The following CMYA5 variants were observed in gnomAD, a reference collection of about 807,000 sequenced individuals.
The protein encoded by CMYA5 is cardiomyopathy associated 5.
CMYA5 carries 246 observed loss-of-function variants against 318.9 expected under a neutral mutation model. The observed-to-expected ratio is 0.77, with a 90% confidence interval of 0.70 to 0.86. The LOEUF (loss-of-function observed/expected upper bound fraction) is 0.86. CMYA5 is among the 40% of genes least tolerant of loss of function. The pLI is 0.00. For missense variants in CMYA5, 4,589 were observed against 4,678.2 expected (o/e 0.98, Z 0.56); for synonymous variants, 1,641 against 1,729.5 (o/e 0.95, Z 1.27).
At chr5:79,758,945 G>T in intron 7 of CMYA5, 43 bp downstream of exon 7, 3 of 1,451,524 alleles carry the variant, frequency 2.1e-6, no homozygotes, top group Non-Finnish European at 2.8e-6. Context: ...GCATATTCAT[G>T]CATCTTCATG....
At chr5:79,789,690 T>G (rs4704590) in intron 10 of CMYA5, among the ~76,000 whole-genome samples, 94,737 of 151,890 alleles carry the variant, frequency 0.62, 29,793 homozygotes, top group African/African-American at 0.69. Context: ...CTCCCAAAGT[T>G]CTGGGATTAC....
chr5:79,759,830 G>T (rs959514058), intron 7 of CMYA5, among the ~76,000 whole-genome samples: 2 of 152,108 alleles, frequency 1.3e-5, no homozygotes, highest in African/African-American at 4.8e-5. Context: ...TTAGAAAAAA[G>T]TTTAAAAAAG....
intron 9 of CMYA5, among the ~76,000 whole-genome samples, chr5:79,778,840 T>TG (rs1453105123): frequency 8.2e-5 from 10 of 122,056 alleles, no homozygotes; most frequent in African/African-American, 2.5e-4. Flanking sequence ...TGTGTGTATG[T>TG]TTATTCACTC....
chr5:79,751,265 A>G (rs1191387203), intron 5 of CMYA5, among the ~76,000 whole-genome samples: 3 of 152,136 alleles, frequency 2.0e-5, no homozygotes, highest in African/African-American at 7.2e-5. Context: ...TTTCTATTTC[A>G]TCCCTGACTG....
At position 79,799,416 on chromosome 5, in the gene CMYA5, G is replaced by C. The variant is rs1351414595; in HGVS notation, c.12010G>C (p.Glu4004Gln). Residue 4004 changes from glutamate (E) to glutamine (Q), a missense_variant, in exon 13 of 13, where the codon GAG becomes CAG. Physicochemically the swap from Glu to Gln is conservative, Grantham distance 29 (BLOSUM62 2). Transcript: ENST00000446378. ...TATTGTGAGTGATGTTCATGTGACT[G>C]AGCGTCCAGCCAGAGTGGGCATCCT... ...SGIVSDVHVT[E>Q]RPARVGILLD... is the part of the protein sequence containing the mutation. The C allele has an allele frequency of 6.2e-7, 1 of 1,613,612 alleles. No individual in the cohort carries two copies. The highest frequency in any genetic ancestry group is 8.5e-7 in the Non-Finnish European group (1 of 1,179,594).
chr5:79,733,447 G>T lies in CMYA5; in HGVS notation c.4682G>T (p.Gly1561Val). Reference sequence around the variant, plus strand: ...GCATCCAAACATATAATCCCAAAAGGCAAAGATGAGGAAACAGCAAGTTCA... The same window carrying T: ...GCATCCAAACATATAATCCCAAAAGTCAAAGATGAGGAAACAGCAAGTTCA... ...SPASKHIIPKGKDEETASSSP... is the reference protein window; with the variant it reads ...SPASKHIIPKVKDEETASSSP... The change falls in exon 2 of 13, where the codon GGC becomes GTC. Residue 1561 changes from glycine (G) to valine (V), a missense_variant. Gly to Val is a moderately radical substitution (Grantham distance 109). This residue lies in a region of CMYA5 where 2,132 missense variants were observed against 2,131.3 expected (regional missense o/e 1.00). Transcript: ENST00000446378. 6.2e-7 allele frequency: 1 copy of T among 1,613,830 alleles called. No homozygotes were observed. The highest frequency in any genetic ancestry group is 2.2e-5 in the East Asian group (1 of 44,868).
At chr5:79,706,618 CA>C (rs1827278841) in intron 1 of CMYA5, among the ~76,000 whole-genome samples, 1 of 152,138 alleles carries the variant, frequency 6.6e-6, no homozygotes, top group Non-Finnish European at 1.5e-5. Flanking sequence ...AGGCTCTCCA[CA>C]AGGGTCTCAT....
At chr5:79,776,207 C>T (rs369595313) in intron 9 of CMYA5, among the ~76,000 whole-genome samples, 149 of 152,202 alleles carry the variant, frequency 9.8e-4, no homozygotes, top group African/African-American at 3.5e-3. Context: ...ATTCAGCCCC[C>T]ATGTTATTTT....
Position 79,733,844 on chromosome 5 carries a change from G to A in CMYA5, c.5079G>A (p.Thr1693=), listed in dbSNP as rs552350245. ...EENRELCASS[T]MPAISELSSL... is the part of the protein sequence containing the mutation. The stretch of plus-strand genomic sequence containing the variant: ...ATAGAGAGCTTTGTGCATCTTCTAC[G>A]ATGCCTGCAATTTCAGAGCTTTCAT... Residue 1693 remains threonine, a synonymous_variant, in exon 2 of 13, where the codon ACG becomes ACA. Transcript: ENST00000446378. 26 of 1,613,600 alleles carry A rather than the reference G, an allele frequency of 1.6e-5. No individual in the cohort carries two copies. The highest frequency in any genetic ancestry group is 5.0e-5 in the Admixed American group (3 of 59,962).
intron 1 of CMYA5, among the ~76,000 whole-genome samples, chr5:79,708,626 A>C (rs1330618100): frequency 6.6e-6 from 1 of 151,084 alleles, no homozygotes; most frequent in African/African-American, 2.4e-5. Context: ...CTCCATCTCA[A>C]AAAAAAAAGA....
intron 2 of CMYA5, among the ~76,000 whole-genome samples, chr5:79,742,466 C>A (rs1828236662): frequency 6.6e-6 from 1 of 152,118 alleles, no homozygotes; most frequent in Non-Finnish European, 1.5e-5. Flanking sequence ...GGATTCCAGG[C>A]AGTAGCCACT....
chr5:79,729,154 AG>A lies in CMYA5; in HGVS notation c.391del (p.Val131PhefsTer40), dbSNP rs1827815068. On this transcript the variant is annotated frameshift_variant, in exon 2 of 13. Transcript: ENST00000446378. LOFTEE classifies it high-confidence loss of function. ...TCCTTTATTGTGGATGAAGTGAAAA[AG>A]GTTCGGAAAAGGACTCATAAGTCAA... ...NVSFIVDEVK[K>X]VRKRTHKSKH... The A allele has an allele frequency of 1.2e-6, 2 of 1,612,402 alleles. No homozygotes were observed. The highest frequency in any genetic ancestry group is 2.2e-5 in the East Asian group (1 of 44,870).
chr5:79,700,559 T>G (rs1451776752), intron 1 of CMYA5, among the ~76,000 whole-genome samples: 3 of 152,146 alleles, frequency 2.0e-5, no homozygotes, highest in Admixed American at 6.5e-5. Context: ...GAATAGAAGT[T>G]CTCTAAAGAA....
intron 1 of CMYA5, among the ~76,000 whole-genome samples, chr5:79,694,587 C>T (rs1324004555): frequency 6.6e-6 from 1 of 152,226 alleles, no homozygotes; most frequent in Non-Finnish European, 1.5e-5. Flanking sequence ...TCAATTGCAG[C>T]TTTGCCAGTG....
intron 12 of CMYA5, among the ~76,000 whole-genome samples, chr5:79,796,131 G>T (rs190567063): frequency 3.0e-3 from 463 of 152,214 alleles, no homozygotes; most frequent in Middle Eastern, 0.024. Flanking sequence ...CCAACGCTGG[G>T]CCTGTAGGGA....
rs1330782223 is a variant in CMYA5 at position 79,736,356 on chromosome 5, G to A, written c.7591G>A (p.Val2531Ile). ...EDYNERPKIIVGSEKEKGEEK... is the reference protein window; with the variant it reads ...EDYNERPKIIIGSEKEKGEEK... The stretch of plus-strand genomic sequence containing the variant: ...CTACAATGAAAGACCCAAAATCATT[G>A]TTGGTTCTGAAAAGGAGAAAGGTGA... The change falls in exon 2 of 13, where the codon GTT (valine) becomes ATT (isoleucine). Residue 2531 changes from valine to isoleucine, a missense_variant. Val to Ile is a conservative substitution (Grantham distance 29, BLOSUM62 3). Around this residue, in one of 3 missense-constraint regions of CMYA5, gnomAD observed 2,431 missense variants for 2,495.1 expected, o/e 0.97. Coordinates refer to ENST00000446378, the MANE Select transcript of CMYA5 (RefSeq NM_153610.5). 1 of 1,613,532 alleles carries A rather than the reference G, an allele frequency of 6.2e-7. No homozygotes were observed. Among genetic ancestry groups the A allele is most frequent in the Non-Finnish European group, 8.5e-7 (1 of 1,179,732 alleles).
Position 79,735,582 on chromosome 5 carries a change from G to A in CMYA5, c.6817G>A (p.Glu2273Lys). 1 of 1,613,326 alleles carries A rather than the reference G, an allele frequency of 6.2e-7. No individual in the cohort carries two copies. The highest frequency in any genetic ancestry group is 8.5e-7 in the Non-Finnish European group (1 of 1,179,696). Residue 2273 changes from glutamate (E) to lysine (K), a missense_variant, in exon 2 of 13, where the codon GAA becomes AAA. Glu to Lys is a moderately conservative substitution (Grantham distance 56). Transcript: ENST00000446378. Reference protein sequence around the residue: ...KEKSMILSNVEDLQQPKFISE... With the variant: ...KEKSMILSNVKDLQQPKFISE... ...AAAATCCATGATTTTATCAAATGTA[G>A]AAGATTTACAACAGCCAAAATTCAT...
At chr5:79,773,962 G>A (rs1828897314) in intron 9 of CMYA5, among the ~76,000 whole-genome samples, 1 of 152,314 alleles carries the variant, frequency 6.6e-6, no homozygotes, top group South Asian at 2.1e-4. Context: ...CGCACACATG[G>A]AGAGAGGGCA....
At position 79,704,088 on chromosome 5, in the gene CMYA5, TA is replaced by T. The variant is rs113958705; in HGVS notation, c.149+14042del. 4.8e-4 allele frequency among the ~76,000 whole-genome samples: 72 copies of T among 149,740 alleles called. 2 individuals are homozygous for T. Among genetic ancestry groups the T allele is most frequent in the African/African-American group, 1.3e-3 (53 of 40,848 alleles). On this transcript the variant is annotated intron_variant, in intron 1 of 12. Coordinates refer to ENST00000446378, the MANE Select transcript of CMYA5 (RefSeq NM_153610.5). Reference sequence around the variant, plus strand: ...CTTGGGCAGCAAAGTGAGACTGTGTTAAAAAAAAAATTCTAAATGTACATCT... The same window carrying T: ...CTTGGGCAGCAAAGTGAGACTGTGTTAAAAAAAAATTCTAAATGTACATCT...
Sources: gnomAD v4.1 joint callset for allele counts (sites outside exome capture counted in the v4.1 genomes callset) on GRCh38, gnomAD v4.1.1 for gene constraint, gnomAD v4.1.1 regional missense constraint, MANE v1.5 for transcripts, NCBI Gene and HGNC (gene_info 2026-07-23, HGNC 2026-07-21) for gene names.